Variants in CHSY3 observed in about 807,000 individuals in gnomAD.
The protein encoded by CHSY3 is N-acetylgalactosaminyl-proteoglycan 3-beta-glucuronosyltransferase 3.
CHSY3 carries 35 observed loss-of-function variants against 67.2 expected under a neutral mutation model. The observed-to-expected ratio is 0.52, with a 90% CI of 0.40 to 0.69. The LOEUF (loss-of-function observed/expected upper bound fraction) is 0.69, where lower values mean the gene tolerates loss of function less well. Ranked by LOEUF, CHSY3 falls within the 30% of genes least tolerant of loss-of-function variation. The probability of loss-of-function intolerance (pLI) is 0.00; values close to 1 mark genes in which losing one functional copy is unlikely to be tolerated. For synonymous variants in CHSY3, 474 were observed against 434.7 expected, an observed-to-expected ratio of 1.09 and a Z score of -1.12; for missense variants, 1,069 against 1,138.5, an observed-to-expected ratio of 0.94 and a Z score of 0.88.
intron 2 of CHSY3, among the ~76,000 whole-genome samples, chr5:130,076,285 C>T (rs1035714981): frequency 2.4e-4 from 36 of 151,880 alleles, no homozygotes; most frequent in Admixed American, 6.6e-4. Context: ...CCTGTCCTCC[C>T]AGCTAAAACT....
intron 2 of CHSY3, among the ~76,000 whole-genome samples, chr5:129,993,000 A>T (rs4836486): frequency 0.56 from 85,195 of 151,934 alleles, 24,046 homozygotes; most frequent in Non-Finnish European, 0.59. Context: ...GGGTTTTTAA[A>T]CACAAACTTT....
At chr5:130,160,903 T>A (rs10477715) in intron 2 of CHSY3, among the ~76,000 whole-genome samples, 121,012 of 143,714 alleles carry the variant, frequency 0.84, 50,133 homozygotes, top group Middle Eastern at 0.93. Flanking sequence ...TTATTTTTTT[T>A]TTTTTATTTT....
intron 2 of CHSY3, among the ~76,000 whole-genome samples, chr5:130,100,974 TTTC>T (rs1324230133): frequency 6.6e-6 from 1 of 152,186 alleles, no homozygotes; most frequent in Admixed American, 6.5e-5. Context: ...GTATAATAAG[TTTC>T]TCCAGTTGGG....
intron 2 of CHSY3, among the ~76,000 whole-genome samples, chr5:130,061,902 A>C (rs76513850): frequency 0.013 from 1,958 of 152,152 alleles, 21 homozygotes; most frequent in South Asian, 0.035. Flanking sequence ...CAAAAAAAAA[A>C]CAGATATTGG....
intron 2 of CHSY3, among the ~76,000 whole-genome samples, chr5:130,036,472 A>T (rs974988157): frequency 6.6e-6 from 1 of 152,142 alleles, no homozygotes; most frequent in Non-Finnish European, 1.5e-5. Context: ...GATGCTGTAA[A>T]TGCTCTCCCT....
chr5:129,914,192 C>A lies in CHSY3; in HGVS notation c.1086+5832C>A, dbSNP rs528611582. ...ATGCTGCAATCTTGGCTCACTGCAA[C>A]CTCCCCCTCCCAGGTTCAAGTGATT... is the stretch of plus-strand genomic sequence containing the variant. On this transcript the variant is annotated intron_variant, in intron 2 of 2. Transcript: ENST00000305031. Among the ~76,000 whole-genome samples the A allele has an allele frequency of 5.3e-5, 8 of 152,216 alleles. No homozygotes were observed. In the East Asian group the frequency reaches 1.5e-3, roughly 29 times the overall value.
At chr5:129,999,330 T>C (rs1763651483) in intron 2 of CHSY3, among the ~76,000 whole-genome samples, 1 of 152,172 alleles carries the variant, frequency 6.6e-6, no homozygotes. Flanking sequence ...ATTGTTCCTT[T>C]TTATTTGCAG....
Position 130,015,324 on chromosome 5 carries a change from C to A in CHSY3, c.1086+106964C>A, listed in dbSNP as rs142302467. ...TTAAACTTATTTTCTTTATAAATTA[C>A]CCAGTATCAGGTATATCTTCACAGC... On this transcript the variant is annotated intron_variant, in intron 2 of 2. Coordinates refer to ENST00000305031, the MANE Select transcript of CHSY3 (RefSeq NM_175856.5). Among the ~76,000 whole-genome samples, 617 of 152,148 alleles carry A rather than the reference C, an allele frequency of 4.1e-3. 7 individuals carry two copies. Among genetic ancestry groups the A allele is most frequent in the African/African-American group, 0.013 (545 of 41,472 alleles).
At chr5:130,140,505 T>C (rs950209814) in intron 2 of CHSY3, 28 of 935,728 alleles carry the variant, frequency 3.0e-5, no homozygotes, top group Non-Finnish European at 4.2e-5. Context: ...CCAAAGATGC[T>C]GGAACAATTG....
At chr5:130,060,814 GAC>G (rs375125541) in intron 2 of CHSY3, among the ~76,000 whole-genome samples, 1 of 151,340 alleles carries the variant, frequency 6.6e-6, no homozygotes, top group Non-Finnish European at 1.5e-5. Flanking sequence ...ATTTACAATA[GAC>G]ACACACACAC....
chr5:130,061,277 C>T (rs113587507), intron 2 of CHSY3, among the ~76,000 whole-genome samples: 1,722 of 152,146 alleles, frequency 0.011, 25 homozygotes, highest in African/African-American at 0.038. Flanking sequence ...AACCAATTGA[C>T]CTTTGACAAA....
chr5:130,181,361 T>C (rs1270347820), intron 2 of CHSY3, among the ~76,000 whole-genome samples: 1 of 152,200 alleles, frequency 6.6e-6, no homozygotes, highest in African/African-American at 2.4e-5. Flanking sequence ...ATAGAAAAAC[T>C]GAAAATCATG....
chr5:130,126,578 G>C (rs904562389), intron 2 of CHSY3, among the ~76,000 whole-genome samples: 1 of 148,044 alleles, frequency 6.8e-6, no homozygotes, highest in African/African-American at 2.6e-5. Context: ...GAGAGAGAAA[G>C]GAAAAAGAGA....
At chr5:130,050,438 T>G (rs372491312) in intron 2 of CHSY3, among the ~76,000 whole-genome samples, 13 of 152,266 alleles carry the variant, frequency 8.5e-5, no homozygotes, top group African/African-American at 3.1e-4. Flanking sequence ...AATACAAATT[T>G]ATGGTTATGT....
intron 2 of CHSY3, among the ~76,000 whole-genome samples, chr5:129,945,273 G>A (rs1043326345): frequency 6.6e-6 from 1 of 152,210 alleles, no homozygotes; most frequent in East Asian, 1.9e-4. Flanking sequence ...TGGCACTTGT[G>A]CCTGTTGGGA....
At chr5:130,004,085 G>A (rs902065990) in intron 2 of CHSY3, among the ~76,000 whole-genome samples, 12 of 152,062 alleles carry the variant, frequency 7.9e-5, no homozygotes, top group Non-Finnish European at 1.5e-4. Context: ...ATATATTTCA[G>A]GGTTTATGTG....
At chr5:130,087,640 C>G (rs1392993565) in intron 2 of CHSY3, among the ~76,000 whole-genome samples, 1 of 151,956 alleles carries the variant, frequency 6.6e-6, no homozygotes, top group Non-Finnish European at 1.5e-5. Flanking sequence ...GAATAAAATA[C>G]CTAGGAATCC....
At chr5:130,088,082 A>G (rs1436708717) in intron 2 of CHSY3, among the ~76,000 whole-genome samples, 1 of 152,142 alleles carries the variant, frequency 6.6e-6, no homozygotes, top group Non-Finnish European at 1.5e-5. Flanking sequence ...CAACTATCTG[A>G]TCTTTGACAA....
At chr5:129,950,848 G>A (rs114610323) in intron 2 of CHSY3, among the ~76,000 whole-genome samples, 1,705 of 152,260 alleles carry the variant, frequency 0.011, 38 homozygotes, top group African/African-American at 0.038. Flanking sequence ...TGCAGATTCA[G>A]TGAAATCCTT....
Sources: allele counts gnomAD v4.1 joint callset (sites outside exome capture counted in the v4.1 genomes callset), GRCh38; gene constraint gnomAD v4.1.1; transcripts MANE v1.5; gene names NCBI Gene and HGNC (gene_info 2026-07-23, HGNC 2026-07-21).